The following PTPRD variants were observed in gnomAD, a reference collection of about 807,000 sequenced individuals.
The protein encoded by PTPRD is receptor-type tyrosine-protein phosphatase delta.
Under a neutral mutation model 214.5 loss-of-function variants are expected in PTPRD, and 34 were observed. The ratio of observed to expected loss-of-function variants is 0.16; its 90% CI spans 0.12 to 0.21. The LOEUF is 0.21. Ranked by LOEUF, PTPRD falls within the 10% of genes least tolerant of loss-of-function variation. The pLI is 1.00. For missense variants in PTPRD, 2,545 were observed against 2,398.7 expected (o/e 1.06, Z -1.27); for synonymous variants, 1,128 against 845.7 (o/e 1.33, Z -5.79).
intron 11 of PTPRD, among the ~76,000 whole-genome samples, chr9:9,017,586 T>G (rs1368473293): frequency 1.3e-5 from 2 of 152,182 alleles, no homozygotes; most frequent in African/African-American, 2.4e-5. Context: ...AATCAAGTGA[T>G]TTCATAAATA....
At chr9:9,107,739 T>C (rs2099800677) in intron 10 of PTPRD, among the ~76,000 whole-genome samples, 1 of 152,170 alleles carries the variant, frequency 6.6e-6, no homozygotes, top group Non-Finnish European at 1.5e-5. Context: ...CCATTTGTCT[T>C]TTGCTACAGA....
At chr9:9,270,547 G>C (rs1942423806) in intron 9 of PTPRD, among the ~76,000 whole-genome samples, 1 of 151,380 alleles carries the variant, frequency 6.6e-6, no homozygotes, top group African/African-American at 2.4e-5. Context: ...GTGAACTACA[G>C]AGTATAATGT....
chr9:10,006,666 G>A (rs1200296870), intron 4 of PTPRD, among the ~76,000 whole-genome samples: 1 of 151,876 alleles, frequency 6.6e-6, no homozygotes. Context: ...TACATTGGAC[G>A]AATAATCAGA....
chr9:9,953,599 A>G (rs1277050888), intron 4 of PTPRD, among the ~76,000 whole-genome samples: 1 of 152,120 alleles, frequency 6.6e-6, no homozygotes, highest in Non-Finnish European at 1.5e-5. Context: ...AACATTAAAC[A>G]ACACGTCATG....
At chr9:10,449,344 A>C (rs1566108981) in intron 2 of PTPRD, among the ~76,000 whole-genome samples, 2 of 151,974 alleles carry the variant, frequency 1.3e-5, no homozygotes, top group South Asian at 2.1e-4. Context: ...CTCAGTGCTC[A>C]ATGTCGCCCA....
chr9:8,818,411 A>T lies in PTPRD; in HGVS notation c.-103-84465T>A, dbSNP rs563409666. 3.3e-5 allele frequency among the ~76,000 whole-genome samples: 5 copies of T among 152,324 alleles called. No individual in the cohort carries two copies. The South Asian group carries it at 1.0e-3, about 32-fold the overall frequency. On this transcript the variant is annotated intron_variant, in intron 11 of 45. Transcript: ENST00000381196. ...TATAATACTGCCTTTAACAATAATA[A>T]TAGTAAGATTAATCATTTAGTAAAC...
At chr9:8,539,992 T>C (rs1034973280) in intron 14 of PTPRD, among the ~76,000 whole-genome samples, 25 of 152,088 alleles carry the variant, frequency 1.6e-4, no homozygotes, top group Non-Finnish European at 2.9e-5. Flanking sequence ...GATAGTCCCA[T>C]TGTAGTTAGG....
chr9:10,412,490 A>T (rs186910174), intron 2 of PTPRD, among the ~76,000 whole-genome samples: 7 of 151,854 alleles, frequency 4.6e-5, no homozygotes, highest in Admixed American at 3.3e-4. Flanking sequence ...TACCAGACCT[A>T]TGTAAAGAGC....
intron 35 of PTPRD, among the ~76,000 whole-genome samples, chr9:8,413,050 ATCT>A (rs1449773046): frequency 6.6e-6 from 1 of 152,198 alleles, no homozygotes; most frequent in Non-Finnish European, 1.5e-5. Context: ...AAGATAAATC[ATCT>A]TCATTTTTAA....
At chr9:10,092,373 A>C (rs539204959) in intron 3 of PTPRD, among the ~76,000 whole-genome samples, 1 of 151,504 alleles carries the variant, frequency 6.6e-6, no homozygotes, top group African/African-American at 2.4e-5. Flanking sequence ...TTGTAGACCA[A>C]TCCATTAATT....
intron 2 of PTPRD, among the ~76,000 whole-genome samples, chr9:10,362,096 T>C (rs1290965787): frequency 6.6e-6 from 1 of 152,296 alleles, no homozygotes; most frequent in South Asian, 2.1e-4. Flanking sequence ...ACTAATGAGA[T>C]GCTTCAGGAT....
chr9:9,021,249 C>T (rs1430117884), intron 10 of PTPRD, among the ~76,000 whole-genome samples: 1 of 152,040 alleles, frequency 6.6e-6, no homozygotes, highest in Admixed American at 6.6e-5. Context: ...GCATATATGA[C>T]AGTGGTTTCG....
intron 11 of PTPRD, among the ~76,000 whole-genome samples, chr9:8,780,484 A>G (rs2095651760): frequency 6.6e-6 from 1 of 152,218 alleles, no homozygotes; most frequent in Admixed American, 6.5e-5. Flanking sequence ...TGTTTTCCTC[A>G]GACACGGAGG....
chr9:8,598,725 C>G (rs1225339924), intron 14 of PTPRD, among the ~76,000 whole-genome samples: 1 of 152,118 alleles, frequency 6.6e-6, no homozygotes, highest in East Asian at 1.9e-4. Flanking sequence ...GGGAGAGGAT[C>G]TTTCATTGGA....
chr9:9,371,734 T>A (rs1471171469), intron 9 of PTPRD, among the ~76,000 whole-genome samples: 3 of 152,190 alleles, frequency 2.0e-5, no homozygotes, highest in Non-Finnish European at 2.9e-5. Flanking sequence ...TTTCCTGCTT[T>A]CTCTTGTGGG....
chr9:8,449,403 T>C (rs937095852), intron 34 of PTPRD, among the ~76,000 whole-genome samples: 1 of 152,172 alleles, frequency 6.6e-6, no homozygotes, highest in African/African-American at 2.4e-5. Flanking sequence ...ACTGAATTCT[T>C]TCCAGAGTGG....
intron 3 of PTPRD, among the ~76,000 whole-genome samples, chr9:10,215,778 G>C (rs1223180522): frequency 6.6e-6 from 1 of 151,608 alleles, no homozygotes; most frequent in South Asian, 2.1e-4. Flanking sequence ...TTAAATTGAG[G>C]TATACTTGTT....
intron 5 of PTPRD, among the ~76,000 whole-genome samples, chr9:9,787,702 G>C (rs528830569): frequency 6.6e-6 from 1 of 151,726 alleles, no homozygotes; most frequent in African/African-American, 2.4e-5. Flanking sequence ...ACCTGAGAAA[G>C]ATTAAAGACA....
chr9:10,598,717 T>TG (rs76207924), intron 2 of PTPRD, among the ~76,000 whole-genome samples: 3 of 147,758 alleles, frequency 2.0e-5, no homozygotes, highest in Non-Finnish European at 4.5e-5. Context: ...GTGTGGTGTG[T>TG]GTGTGTGTGT....
Sources: allele counts gnomAD v4.1 joint callset (sites outside exome capture counted in the v4.1 genomes callset), GRCh38; gene constraint gnomAD v4.1.1; transcripts MANE v1.5; gene names NCBI Gene and HGNC (gene_info 2026-07-23, HGNC 2026-07-21).